AGAP1: variants seen among roughly 807,000 people sequenced by gnomAD.
AGAP1 encodes ArfGAP with GTPase domain, ankyrin repeat and PH domain 1.
AGAP1 carries 29 observed loss-of-function variants against 105.3 expected under a neutral mutation model. The ratio of observed to expected loss-of-function variants is 0.28; its 90% CI spans 0.21 to 0.38. The LOEUF is 0.38. AGAP1 is among the 10% of genes least tolerant of loss of function. The probability of loss-of-function intolerance (pLI) is 1.00; values close to 1 mark genes in which losing one functional copy is unlikely to be tolerated. For missense variants in AGAP1, 998 were observed against 1,165.1 expected, an observed-to-expected ratio of 0.86 and a Z score of 2.09; for synonymous variants, 509 against 485.9, an observed-to-expected ratio of 1.05 and a Z score of -0.63.
intron 10 of AGAP1, among the ~76,000 whole-genome samples, chr2:235,884,849 T>C (rs534237295): frequency 3.8e-4 from 54 of 143,244 alleles, no homozygotes; most frequent in African/African-American, 1.1e-3. Context: ...GTCAGGCTAG[T>C]AGTAATAGTC....
rs1191885124 is a variant in AGAP1 at position 235,689,977 on chromosome 2, G to A, written c.164-19202G>A. Among the ~76,000 whole-genome samples, 2 of 152,050 alleles carry A rather than the reference G, an allele frequency of 1.3e-5. No homozygotes were observed. Among genetic ancestry groups the A allele is most frequent in the African/African-American group, 4.8e-5 (2 of 41,392 alleles). On this transcript the variant is annotated intron_variant, in intron 1 of 17. Transcript: ENST00000304032. The surrounding 1 kb of genome is among the most constrained non-coding windows in gnomAD (Gnocchi z 4.2). ...TTCCCTGGTCTAATTTTTTCAGATG[G>A]TAAATAGATCGCGTTGTTGCATGCG... is the stretch of plus-strand genomic sequence containing the variant.
At chr2:235,839,815 GTTTT>G (rs1186497002) in intron 9 of AGAP1, among the ~76,000 whole-genome samples, 1 of 152,158 alleles carries the variant, frequency 6.6e-6, no homozygotes, top group African/African-American at 2.4e-5. Flanking sequence ...ACATGAAATG[GTTTT>G]TTATTTGCAG....
chr2:236,077,475 C>T (rs913496421), intron 16 of AGAP1, among the ~76,000 whole-genome samples: 3 of 152,008 alleles, frequency 2.0e-5, no homozygotes, highest in African/African-American at 7.2e-5. Flanking sequence ...CGTGCCACCA[C>T]GGCCAGCTAA....
In AGAP1 at chr2:235,622,485, G is replaced by A. The variant is rs958528383; in HGVS notation, c.164-86694G>A. ...TCAATCTGCAGAGACAGGTGTCTGG[G>A]ATCTGAAGACAGCAGTTGGGGAGGA... On this transcript the variant is annotated intron_variant, in intron 1 of 17. Transcript: ENST00000304032. The surrounding 1 kb of genome is among the most constrained non-coding windows in gnomAD (Gnocchi z 5.0). Among the ~76,000 whole-genome samples, 86 of 152,296 alleles carry A rather than the reference G, an allele frequency of 5.6e-4. No individual in the cohort carries two copies. The highest frequency in any genetic ancestry group is 4.1e-4 in the South Asian group (2 of 4,820).
At chr2:236,116,718 C>T (rs1264420485) in intron 16 of AGAP1, among the ~76,000 whole-genome samples, 1 of 152,210 alleles carries the variant, frequency 6.6e-6, no homozygotes, top group East Asian at 1.9e-4. Context: ...ATATACTGCA[C>T]CCTATTTGTA....
At chr2:235,861,081 TTATATA>T (rs1239853795) in intron 9 of AGAP1, among the ~76,000 whole-genome samples, 1 of 152,208 alleles carries the variant, frequency 6.6e-6, no homozygotes, top group Non-Finnish European at 1.5e-5. Context: ...ATGCAATACT[TTATATA>T]TAGTATGTAC....
rs779479934 is a variant in AGAP1, at chr2:235,852,743, G to A, written c.1051-30602G>A. ...CAGCACTTATCTCAGGCCTGCTGGA[G>A]CCCGTGCCCGTCAGTCCTCCCCCTG... On this transcript the variant is annotated intron_variant, in intron 9 of 17. Transcript: ENST00000304032. The A allele has an allele frequency of 5.8e-6, 9 of 1,540,292 alleles. No homozygotes were observed. In the South Asian group the frequency reaches 1.1e-4, roughly 19 times the overall value.
intron 9 of AGAP1, among the ~76,000 whole-genome samples, chr2:235,857,531 C>A (rs2106486147): frequency 6.6e-6 from 1 of 152,324 alleles, no homozygotes; most frequent in East Asian, 1.9e-4. Context: ...AGCAGCTTCC[C>A]ACCCTGATTG....
At chr2:235,841,382 A>G (rs1484293364) in intron 9 of AGAP1, among the ~76,000 whole-genome samples, 6 of 152,168 alleles carry the variant, frequency 3.9e-5, no homozygotes, top group Non-Finnish European at 8.8e-5. Context: ...TAATCCCCGC[A>G]CTGTAGGAGG....
chr2:235,558,763 G>A lies in AGAP1; in HGVS notation c.163+63914G>A, dbSNP rs768398470. ...CAGCAACTTACAATAATGCCGTTATGCCCTCAGCCATAAACACATTGTGCA... is the reference window on the plus strand; with the variant it reads ...CAGCAACTTACAATAATGCCGTTATACCCTCAGCCATAAACACATTGTGCA... On this transcript the variant is annotated intron_variant, in intron 1 of 17. Transcript: ENST00000304032. Among the ~76,000 whole-genome samples, 62 of 152,246 alleles carry A rather than the reference G, an allele frequency of 4.1e-4. 1 individual carries two copies. Among genetic ancestry groups the A allele is most frequent in the South Asian group, 6.2e-4 (3 of 4,814 alleles).
intron 11 of AGAP1, among the ~76,000 whole-genome samples, chr2:235,915,718 ATGAAT>A (rs1367244607): frequency 3.9e-4 from 59 of 152,326 alleles, no homozygotes; most frequent in African/African-American, 1.4e-3. Flanking sequence ...AAAAAGTTTT[ATGAAT>A]AAAGATTGTG....
chr2:235,634,057 C>G (rs1205805818), intron 1 of AGAP1, among the ~76,000 whole-genome samples: 1 of 152,188 alleles, frequency 6.6e-6, no homozygotes, highest in Admixed American at 6.5e-5. Flanking sequence ...CCCTGATTTT[C>G]TAAAGATCTT....
intron 1 of AGAP1, among the ~76,000 whole-genome samples, chr2:235,505,334 TA>T (rs1941750381): frequency 6.6e-6 from 1 of 152,196 alleles, no homozygotes; most frequent in Non-Finnish European, 1.5e-5. Context: ...AGGCCAGTGC[TA>T]AACAAGGCCA....
Position 236,036,838 on chromosome 2 carries a change from T to C in AGAP1, c.1800+123T>C. On this transcript the variant is annotated intron_variant, in intron 14 of 17. Transcript: ENST00000304032. The surrounding 1 kb of genome is among the most constrained non-coding windows in gnomAD (Gnocchi z 5.7). ...TGAATGACAGGACCTAGCTATTCTT[T>C]ATGAGCAGAAAGCTCAATAACTAAA... 1 of 1,421,724 alleles carries C rather than the reference T, an allele frequency of 7.0e-7. No homozygotes were observed. The allele number at this position is 1,421,724 out of a possible 1,614,324, so 88.1% of individuals were successfully genotyped here. A position where few individuals can be genotyped will look rare whatever the true frequency, so the allele number is the denominator to read the frequency against.
chr2:235,647,882 A>T lies in AGAP1; in HGVS notation c.164-61297A>T, dbSNP rs553763443. On this transcript the variant is annotated intron_variant, in intron 1 of 17. Coordinates refer to ENST00000304032, the MANE Select transcript of AGAP1 (RefSeq NM_001037131.3). ...GGTCTCTTCCTTGTCCTTACTGTAG[A>T]CCATCACACCGCCACTAATTTCCCC... Among the ~76,000 whole-genome samples the T allele has an allele frequency of 1.8e-4, 27 of 152,094 alleles. No homozygotes were observed. In the East Asian group the frequency reaches 4.8e-3, roughly 27 times the overall value.
rs968205831 is a variant in AGAP1, at chr2:235,533,256, A to G, written c.163+38407A>G. ...AGAAACCGTCATCAGCCACATTCTG[A>G]TGAAAGAGGTTTTGACTTTCTTTTT... On this transcript the variant is annotated intron_variant, in intron 1 of 17. Transcript: ENST00000304032. Among the ~76,000 whole-genome samples, 3 of 152,242 alleles carry G rather than the reference A, an allele frequency of 2.0e-5. 1 individual carries two copies. The highest frequency in any genetic ancestry group is 2.0e-4 in the Admixed American group (3 of 15,284).
At chr2:235,859,508 T>G (rs2048835801) in intron 9 of AGAP1, among the ~76,000 whole-genome samples, 1 of 149,268 alleles carries the variant, frequency 6.7e-6, no homozygotes, top group Non-Finnish European at 1.5e-5. Flanking sequence ...CTAATTGGTA[T>G]GAGGCCTTCT....
chr2:235,597,687 CT>C (rs1378601827), intron 1 of AGAP1, among the ~76,000 whole-genome samples: 1 of 152,046 alleles, frequency 6.6e-6, no homozygotes, highest in Non-Finnish European at 1.5e-5. Flanking sequence ...CGCTGGGGCC[CT>C]GTCTGTGTGG....
At chr2:236,098,414 T>TA (rs931128805) in intron 16 of AGAP1, among the ~76,000 whole-genome samples, 16 of 151,634 alleles carry the variant, frequency 1.1e-4, no homozygotes, top group African/African-American at 3.9e-4. Flanking sequence ...TTGCTAAAAA[T>TA]AAAAAATCAG....
Sources: gnomAD v4.1 joint callset for allele counts (sites outside exome capture counted in the v4.1 genomes callset) on GRCh38, gnomAD v4.1.1 for gene constraint, Gnocchi (gnomAD v3.1) non-coding constraint, MANE v1.5 for transcripts, NCBI Gene and HGNC (gene_info 2026-07-23, HGNC 2026-07-21) for gene names.